FABP6: variants seen among roughly 807,000 people sequenced by gnomAD.
FABP6 encodes gastrotropin.
In FABP6, 13 loss-of-function variants were observed where a neutral mutation model predicts 14.9. The ratio of observed to expected loss-of-function variants is 0.87; its 90% CI spans 0.57 to 1.39. FABP6 has a LOEUF of 1.39. Ranked by LOEUF, FABP6 falls within the 40% of genes most tolerant of loss-of-function variation. The probability of loss-of-function intolerance (pLI) is 0.00; values close to 1 mark genes in which losing one functional copy is unlikely to be tolerated. For missense variants in FABP6, 161 were observed against 167.2 expected (o/e 0.96, Z 0.20); for synonymous variants, 75 against 63.6 (o/e 1.18, Z -0.85).
chr5:160,237,536 C>G (rs919710739), intron 3 of FABP6, among the ~76,000 whole-genome samples: 1 of 152,078 alleles, frequency 6.6e-6, no homozygotes, highest in African/African-American at 2.4e-5. Context: ...TTGTAAGCAT[C>G]CCTCCTGCCT....
At chr5:160,232,334 A>C in intron 2 of FABP6, 61 bp downstream of exon 2, 1 of 1,479,418 alleles carries the variant, frequency 6.8e-7, no homozygotes, top group Non-Finnish European at 9.1e-7. Flanking sequence ...CTCCTTCTCA[A>C]ACATGGCCTC....
chr5:160,216,595 C>T lies in FABP6; in HGVS notation c.135+2776C>T, dbSNP rs921359329. 1.1e-4 allele frequency among the ~76,000 whole-genome samples: 16 copies of T among 152,110 alleles called. 1 individual carries two copies. The highest frequency in any genetic ancestry group is 4.4e-5 in the Non-Finnish European group (3 of 68,016). Reference sequence around the variant, plus strand: ...CCCTCATTGTAACTTAACAGACTGGCATTCCACTGCTGGATCAGACAGCCA... The same window carrying T: ...CCCTCATTGTAACTTAACAGACTGGTATTCCACTGCTGGATCAGACAGCCA... On this transcript the variant is annotated intron_variant, in intron 3 of 6. Coordinates refer to the FABP6 transcript ENST00000393980.
At chr5:160,235,459 C>T (rs1348710717) in intron 3 of FABP6, among the ~76,000 whole-genome samples, 3 of 152,238 alleles carry the variant, frequency 2.0e-5, no homozygotes, top group African/African-American at 7.2e-5. Flanking sequence ...AGGTCCCACA[C>T]ACACATCTGG....
chr5:160,202,067 C>T (rs1006375655), intron 2 of FABP6, among the ~76,000 whole-genome samples: 4 of 152,188 alleles, frequency 2.6e-5, no homozygotes, highest in African/African-American at 9.6e-5. Flanking sequence ...CCCAGCCATT[C>T]ATTCACTGAT....
intron 1 of FABP6, among the ~76,000 whole-genome samples, chr5:160,189,936 C>T (rs1350251823): frequency 1.3e-5 from 2 of 152,118 alleles, no homozygotes; most frequent in Non-Finnish European, 2.9e-5. Flanking sequence ...TGTGTGTGCC[C>T]ACTGTGCAAT....
chr5:160,204,198 C>G (rs1039227505), intron 2 of FABP6, among the ~76,000 whole-genome samples: 2 of 151,486 alleles, frequency 1.3e-5, no homozygotes, highest in African/African-American at 2.4e-5. Context: ...ACCTGTAGTC[C>G]TGTAGTCTTA....
chr5:160,233,766 G>A (rs572886815), intron 2 of FABP6, among the ~76,000 whole-genome samples: 7 of 152,072 alleles, frequency 4.6e-5, no homozygotes, highest in South Asian at 2.1e-4. Flanking sequence ...CCAGCTACTC[G>A]GGAGGCTGAG....
chr5:160,233,879 GAAA>G (rs59415943), intron 2 of FABP6, among the ~76,000 whole-genome samples: 4 of 145,338 alleles, frequency 2.8e-5, no homozygotes, highest in Admixed American at 6.8e-5. Context: ...CTCAAAAAAA[GAAA>G]AAAAAAAAAA....
rs377560141 is a variant in FABP6, at chr5:160,210,777, C to A, written c.52-2959C>A. On this transcript the variant is annotated intron_variant, in intron 2 of 6. Coordinates refer to the FABP6 transcript ENST00000393980. ...TATGAGCTTAGAGCAATAGTAGTTC[C>A]CAATAACTAGAGATTTAATAAGGCT... Among the ~76,000 whole-genome samples, 515 of 152,258 alleles carry A rather than the reference C, an allele frequency of 3.4e-3. 4 individuals are homozygous for A. Among genetic ancestry groups the A allele is most frequent in the African/African-American group, 0.012 (501 of 41,540 alleles).
At chr5:160,217,677 C>T (rs1019739352) in intron 3 of FABP6, among the ~76,000 whole-genome samples, 2 of 151,978 alleles carry the variant, frequency 1.3e-5, no homozygotes, top group African/African-American at 4.8e-5. Flanking sequence ...CTCTCTGTTG[C>T]CCAAGCTGCA....
At chr5:160,221,557 G>C (rs995404698) in intron 3 of FABP6, among the ~76,000 whole-genome samples, 1 of 152,126 alleles carries the variant, frequency 6.6e-6, no homozygotes, top group Non-Finnish European at 1.5e-5. Context: ...TGGCTGACTT[G>C]CATCTCCATT....
intron 2 of FABP6, among the ~76,000 whole-genome samples, chr5:160,200,416 A>AT (rs3044576): frequency 0.31 from 44,969 of 143,522 alleles, 7,593 homozygotes; most frequent in East Asian, 0.62. Context: ...TTTTTTTTCT[A>AT]TTTTTTTTTT....
rs147494123 is a variant in FABP6 at position 160,203,005 on chromosome 5, G to A, written c.51+3848G>A. 3.9e-3 allele frequency among the ~76,000 whole-genome samples: 596 copies of A among 151,484 alleles called. 4 individuals are homozygous for A. The highest frequency in any genetic ancestry group is 0.014 in the African/African-American group (578 of 41,350). ...CAACCTCTGCCTCCCAGGTTCAAGC[G>A]ATTCTCCTGCCTCAGCCTCCCAAGT... On this transcript the variant is annotated intron_variant, in intron 2 of 6. Transcript: ENST00000393980.
chr5:160,225,000 G>A (rs190078455), upstream of FABP6, among the ~76,000 whole-genome samples: 164 of 151,908 alleles, frequency 1.1e-3, no homozygotes, highest in African/African-American at 3.7e-3. Context: ...GGCTGGTCTC[G>A]AACTCCTGGC....
At chr5:160,222,441 C>A (rs1237808598) in intron 3 of FABP6, among the ~76,000 whole-genome samples, 3 of 152,018 alleles carry the variant, frequency 2.0e-5, no homozygotes, top group Non-Finnish European at 2.9e-5. Flanking sequence ...TCAAGTGATT[C>A]ACCTGCCTCA....
At position 160,208,118 on chromosome 5, in the gene FABP6, T is replaced by C. The variant is rs556838237; in HGVS notation, c.52-5618T>C. ...ATTTTTCTGAATTTTATGTTACTTT[T>C]ATCATCAGAAGAAAATGATTTTAAA... is the stretch of plus-strand genomic sequence containing the variant. On this transcript the variant is annotated intron_variant, in intron 2 of 6. Transcript: ENST00000393980. Among the ~76,000 whole-genome samples the C allele has an allele frequency of 1.8e-4, 27 of 152,310 alleles. 1 individual carries two copies. The South Asian group carries it at 5.6e-3, about 32-fold the overall frequency.
chr5:160,216,332 A>G (rs1760012876), intron 3 of FABP6, among the ~76,000 whole-genome samples: 1 of 151,778 alleles, frequency 6.6e-6, no homozygotes, highest in African/African-American at 2.4e-5. Context: ...CAGTGACACA[A>G]TCTCAGCTCA....
At chr5:160,206,298 C>T (rs1023483024) in intron 2 of FABP6, among the ~76,000 whole-genome samples, 2 of 151,978 alleles carry the variant, frequency 1.3e-5, no homozygotes, top group Admixed American at 6.6e-5. Flanking sequence ...GGGCATGATG[C>T]GTGCCTGTAA....
upstream of FABP6, among the ~76,000 whole-genome samples, chr5:160,225,995 A>G (rs1429834046): frequency 6.6e-6 from 1 of 151,698 alleles, no homozygotes; most frequent in Non-Finnish European, 1.5e-5. Context: ...CCAACATGGC[A>G]AACTCCTGTC....
Sources: gnomAD v4.1 joint callset for allele counts (sites outside exome capture counted in the v4.1 genomes callset) on GRCh38, gnomAD v4.1.1 for gene constraint, MANE v1.5 for transcripts, NCBI Gene and HGNC (gene_info 2026-07-23, HGNC 2026-07-21) for gene names.